SH3GL3: variants seen among roughly 807,000 people sequenced by gnomAD.
The protein encoded by SH3GL3 is SH3 domain containing GRB2 like 3, endophilin A3.
Under a neutral mutation model 47.7 loss-of-function variants are expected in SH3GL3, and 33 were observed. The ratio of observed to expected loss-of-function variants is 0.69; its 90% CI spans 0.52 to 0.92. The LOEUF is 0.92. Ranked by LOEUF, SH3GL3 falls within the 40% of genes least tolerant of loss-of-function variation. The pLI is 0.00. For missense variants in SH3GL3, 363 were observed against 417.8 expected (o/e 0.87, Z 1.14); for synonymous variants, 155 against 148.8 (o/e 1.04, Z -0.30).
At chr15:83,514,625 C>T (rs2042906353) in intron 1 of SH3GL3, among the ~76,000 whole-genome samples, 1 of 152,038 alleles carries the variant, frequency 6.6e-6, no homozygotes, top group Non-Finnish European at 1.5e-5. Context: ...AATTCTTACC[C>T]AGTTTAAAAG....
At chr15:83,471,795 G>A (rs1414384396) in intron 1 of SH3GL3, among the ~76,000 whole-genome samples, 1 of 152,078 alleles carries the variant, frequency 6.6e-6, no homozygotes. Context: ...TAGGTTAAGT[G>A]TCATTTCTCT....
chr15:83,480,828 T>G (rs2041315581), intron 1 of SH3GL3, among the ~76,000 whole-genome samples: 1 of 152,196 alleles, frequency 6.6e-6, no homozygotes, highest in African/African-American at 2.4e-5. Flanking sequence ...TATGCAAATA[T>G]GACTCCATTT....
chr15:83,575,863 A>G (rs368922676), intron 5 of SH3GL3, among the ~76,000 whole-genome samples: 1 of 152,068 alleles, frequency 6.6e-6, no homozygotes, highest in East Asian at 1.9e-4. Flanking sequence ...CTTGTCCTGT[A>G]TAGCTATCCC....
At chr15:83,551,533 C>T (rs1316120552) in intron 1 of SH3GL3, among the ~76,000 whole-genome samples, 10 of 152,290 alleles carry the variant, frequency 6.6e-5, no homozygotes, top group South Asian at 2.1e-4. Flanking sequence ...CCCCTGTCAT[C>T]GCCTAACCGA....
chr15:83,582,744 T>C (rs1239266365), intron 6 of SH3GL3, among the ~76,000 whole-genome samples: 1 of 152,248 alleles, frequency 6.6e-6, no homozygotes, highest in Non-Finnish European at 1.5e-5. Flanking sequence ...GATACCTGAA[T>C]TCTGTTTCTG....
Position 83,447,631 on chromosome 15 carries a change from C to A in SH3GL3, c.45+53C>A. 2.3e-6 allele frequency: 3 copies of A among 1,321,774 alleles called. No homozygotes were observed. Among genetic ancestry groups the A allele is most frequent in the Non-Finnish European group, 3.1e-6 (3 of 978,880 alleles). 81.9% of individuals were successfully genotyped at this position (1,321,774 alleles called of 1,614,324 possible). A position where few individuals can be genotyped will look rare whatever the true frequency, so the allele number is the denominator to read the frequency against. On this transcript the variant is annotated intron_variant, in intron 1 of 8. Coordinates refer to ENST00000427482, the MANE Select transcript of SH3GL3 (RefSeq NM_003027.5). The surrounding 1 kb of genome is among the most constrained non-coding windows in gnomAD (Gnocchi z 5.1). ...GGAGGGGGACGCGGAGGCTGCGGCCCCCCGAGGCTCCCGGGCCTTTGGGAC... is the reference window on the plus strand; with the variant it reads ...GGAGGGGGACGCGGAGGCTGCGGCCACCCGAGGCTCCCGGGCCTTTGGGAC...
chr15:83,535,906 T>A (rs2043880136), intron 1 of SH3GL3, among the ~76,000 whole-genome samples: 1 of 152,058 alleles, frequency 6.6e-6, no homozygotes, highest in Non-Finnish European at 1.5e-5. Context: ...AATACAAATA[T>A]ATAAAAACTG....
At chr15:83,567,321 T>C (rs1339372815) in intron 3 of SH3GL3, among the ~76,000 whole-genome samples, 1 of 152,244 alleles carries the variant, frequency 6.6e-6, no homozygotes, top group Non-Finnish European at 1.5e-5. Flanking sequence ...TCCCTTGCCC[T>C]GCACCACACT....
At chr15:83,563,415 T>C (rs2045378354) in intron 2 of SH3GL3, among the ~76,000 whole-genome samples, 1 of 152,240 alleles carries the variant, frequency 6.6e-6, no homozygotes, top group African/African-American at 2.4e-5. Context: ...TAATAGCTGG[T>C]TTATTAATAT....
At chr15:83,503,570 G>A (rs536519410) in intron 1 of SH3GL3, among the ~76,000 whole-genome samples, 38 of 152,278 alleles carry the variant, frequency 2.5e-4, no homozygotes, top group African/African-American at 9.1e-4. Context: ...ACAACCTTAC[G>A]GGGTAGGTAT....
chr15:83,499,401 A>AC (rs1186052239), intron 1 of SH3GL3, among the ~76,000 whole-genome samples: 3 of 151,798 alleles, frequency 2.0e-5, no homozygotes, highest in Non-Finnish European at 2.9e-5. Flanking sequence ...ATCTCAAAAA[A>AC]AAAAAAAAAA....
chr15:83,565,826 T>TTAA (rs2035240471), intron 3 of SH3GL3: 1 of 152,202 alleles, frequency 6.6e-6, no homozygotes, highest in Admixed American at 6.5e-5. Context: ...TTTTTAGGAA[T>TTAA]TTATTATCTG....
At chr15:83,549,048 A>G (rs1301061144) in intron 1 of SH3GL3, among the ~76,000 whole-genome samples, 1 of 152,114 alleles carries the variant, frequency 6.6e-6, no homozygotes, top group Non-Finnish European at 1.5e-5. Flanking sequence ...TCTAATTGTT[A>G]TTAAACACTT....
chr15:83,624,013 C>T, the SH3GL3 span, among the ~76,000 whole-genome samples: 1 of 152,106 alleles, frequency 6.6e-6, no homozygotes, highest in Non-Finnish European at 1.5e-5. Flanking sequence ...TCTCGAACTC[C>T]TGACCTCAGG....
intron 5 of SH3GL3, among the ~76,000 whole-genome samples, chr15:83,574,345 C>T (rs899776586): frequency 2.0e-5 from 3 of 152,152 alleles, no homozygotes; most frequent in African/African-American, 7.2e-5. Context: ...CCCCGACACT[C>T]ATACCATCCT....
Position 83,559,273 on chromosome 15 carries a change from TG to T in SH3GL3, c.68del (p.Gly23ValfsTer7). On this transcript the variant is annotated frameshift_variant, in exon 2 of 9. Coordinates refer to ENST00000427482, the MANE Select transcript of SH3GL3 (RefSeq NM_003027.5). LOFTEE classifies it high-confidence loss of function. ...TGCAGCTATTTAGTGAAAAAATAAG[TG>T]GTGCTGAAGGAACTAAACTAGACGA... ...ASQLFSEKIS[G>X]AEGTKLDDEF... 1 of 1,583,040 alleles carries T rather than the reference TG, an allele frequency of 6.3e-7. No homozygotes were observed. Among genetic ancestry groups the T allele is most frequent in the Non-Finnish European group, 8.7e-7 (1 of 1,151,654 alleles).
chr15:83,617,283 C>G (rs2060849199), intron 8 of SH3GL3, among the ~76,000 whole-genome samples: 1 of 152,168 alleles, frequency 6.6e-6, no homozygotes, highest in Non-Finnish European at 1.5e-5. Context: ...CTTGTCCTGC[C>G]CATTAACTAG....
In SH3GL3 at chr15:83,503,219, T is replaced by C. The variant is rs1298401846; in HGVS notation, c.45+55641T>C. Among the ~76,000 whole-genome samples, 3 of 152,270 alleles carry C rather than the reference T, an allele frequency of 2.0e-5. No homozygotes were observed. The East Asian group carries it at 5.8e-4, about 29-fold the overall frequency. On this transcript the variant is annotated intron_variant, in intron 1 of 8. Coordinates refer to ENST00000427482, the MANE Select transcript of SH3GL3 (RefSeq NM_003027.5). Reference sequence around the variant, plus strand: ...ACCACCAGCAAAACTGTTATCCACATCTCATTACCCTATATTGTTACTCTT... The same window carrying C: ...ACCACCAGCAAAACTGTTATCCACACCTCATTACCCTATATTGTTACTCTT...
chr15:83,571,035 A>C (rs1340055654), intron 4 of SH3GL3, among the ~76,000 whole-genome samples: 1 of 152,200 alleles, frequency 6.6e-6, no homozygotes, highest in Admixed American at 6.5e-5. Context: ...TCAGCAGGGC[A>C]TCAGGAACAG....
Sources: gnomAD v4.1 joint callset for allele counts (sites outside exome capture counted in the v4.1 genomes callset) on GRCh38, gnomAD v4.1.1 for gene constraint, Gnocchi (gnomAD v3.1) non-coding constraint, MANE v1.5 for transcripts, NCBI Gene and HGNC (gene_info 2026-07-23, HGNC 2026-07-21) for gene names.